The following SLC6A17 variants were observed in gnomAD, a reference collection of about 807,000 sequenced individuals.
SLC6A17 encodes sodium-dependent neutral amino acid transporter SLC6A17.
Under a neutral mutation model 64.5 loss-of-function variants are expected in SLC6A17, and 21 were observed. The observed-to-expected ratio is 0.33, with a 90% confidence interval of 0.23 to 0.47. The LOEUF (loss-of-function observed/expected upper bound fraction) is 0.47, where lower values mean the gene tolerates loss of function less well. Among genes scored for constraint, SLC6A17 ranks in the 20% least tolerant of loss-of-function variants. The pLI, the probability that SLC6A17 is intolerant of heterozygous loss-of-function variation, is 1.00. For synonymous variants in SLC6A17, 372 were observed against 399.5 expected (o/e 0.93, Z 0.82); for missense variants, 682 against 963.2 (o/e 0.71, Z 3.86).
chr1:110,188,653 C>A (rs907506168), intron 6 of SLC6A17, among the ~76,000 whole-genome samples: 10 of 152,188 alleles, frequency 6.6e-5, no homozygotes, highest in African/African-American at 1.4e-4. Flanking sequence ...CTTCCCACCC[C>A]ATCCCGATCC....
At chr1:110,171,282 C>T (rs1362770135) in intron 2 of SLC6A17, among the ~76,000 whole-genome samples, 1 of 152,154 alleles carries the variant, frequency 6.6e-6, no homozygotes, top group Non-Finnish European at 1.5e-5. Flanking sequence ...TGGCACAGCT[C>T]TCAGCAGGGT....
chr1:110,174,239 C>T, intron 4 of SLC6A17, 140 bp downstream of exon 4: 2 of 1,243,088 alleles, frequency 1.6e-6, no homozygotes, highest in South Asian at 1.6e-5. Context: ...CCTCATTTCC[C>T]CTTCCCCAGT....
chr1:110,160,281 T>C (rs1039011686), intron 1 of SLC6A17, among the ~76,000 whole-genome samples: 6 of 152,252 alleles, frequency 3.9e-5, no homozygotes, highest in Non-Finnish European at 8.8e-5. Context: ...TTCAAATGTC[T>C]CTCTAGTCAC....
chr1:110,178,130 A>T (rs982687525), intron 6 of SLC6A17: 1 of 152,258 alleles, frequency 6.6e-6, no homozygotes, highest in Admixed American at 6.5e-5. Context: ...AACTGTTTTT[A>T]ACAGATTACA....
Position 110,198,924 on chromosome 1 carries a change from A to G in SLC6A17, c.*480A>G, listed in dbSNP as rs887587020. The G allele has an allele frequency of 1.3e-5, 2 of 155,642 alleles. No individual in the cohort carries two copies. The highest frequency in any genetic ancestry group is 2.0e-4 in the South Asian group (1 of 5,016). The allele number at this position is 155,642 out of a possible 1,614,324, so 9.6% of individuals were successfully genotyped here. A position where few individuals can be genotyped will look rare whatever the true frequency, so the allele number is the denominator to read the frequency against. On this transcript the variant is annotated 3_prime_UTR_variant, in exon 12 of 12. Coordinates refer to ENST00000331565, the MANE Select transcript of SLC6A17 (RefSeq NM_001010898.4). The stretch of plus-strand genomic sequence containing the variant: ...AACAGGACACCATCCTGCCCAGCCC[A>G]GACGGGGTTGCTCCTGGTCCAAGAG...
intron 1 of SLC6A17, among the ~76,000 whole-genome samples, chr1:110,160,911 G>C (rs1655890948): frequency 6.6e-6 from 1 of 152,218 alleles, no homozygotes; most frequent in African/African-American, 2.4e-5. Context: ...AGCGGGGAAA[G>C]TGAGCTGGGA....
intron 1 of SLC6A17, among the ~76,000 whole-genome samples, chr1:110,157,685 C>T (rs915851627): frequency 1.3e-5 from 2 of 152,262 alleles, no homozygotes; most frequent in East Asian, 1.9e-4. Flanking sequence ...AAGAAAACCC[C>T]AACTCCTTTC....
chr1:110,166,938 G>A lies in SLC6A17; in HGVS notation c.9G>A (p.Lys3=), dbSNP rs1169950219. The A allele has an allele frequency of 1.2e-6, 2 of 1,607,612 alleles. No individual in the cohort carries two copies. Among genetic ancestry groups the A allele is most frequent in the Non-Finnish European group, 1.7e-6 (2 of 1,175,122 alleles). Residue 3 remains lysine, a synonymous_variant, in exon 2 of 12, where the codon AAG becomes AAA. Coordinates refer to ENST00000331565, the MANE Select transcript of SLC6A17 (RefSeq NM_001010898.4). MP[K]NSKVTQREHS... ...CGGCCCAGGTGGCATCAATGCCGAAGAACAGCAAAGTGACCCAGCGTGAGC... is the reference window on the plus strand; with the variant it reads ...CGGCCCAGGTGGCATCAATGCCGAAAAACAGCAAAGTGACCCAGCGTGAGC...
chr1:110,194,903 G>T, intron 9 of SLC6A17, 132 bp downstream of exon 9: 3 of 1,134,652 alleles, frequency 2.6e-6, no homozygotes, highest in South Asian at 1.4e-5. Context: ...GACACAGCTG[G>T]AGCCTGGCTG....
In SLC6A17 at chr1:110,200,243, C is replaced by T. The variant is rs1273922560; in HGVS notation, c.*1799C>T. On this transcript the variant is annotated 3_prime_UTR_variant, in exon 12 of 12. Transcript: ENST00000331565. ...CAACCCTGCCATCTCCCTTACTCAT[C>T]CCTCTTCCACAGCTTCCCCTTTCTA... 7.6e-6 allele frequency: 3 copies of T among 396,766 alleles called. No homozygotes were observed. The highest frequency in any genetic ancestry group is 4.4e-5 in the Admixed American group (1 of 22,630). 24.6% of individuals were successfully genotyped at this position (396,766 alleles called of 1,614,324 possible). A position where few individuals can be genotyped will look rare whatever the true frequency, so the allele number is the denominator to read the frequency against.
chr1:110,194,913 G>A (rs182816102), intron 9 of SLC6A17, 142 bp downstream of exon 9: 2 of 1,001,068 alleles, frequency 2.0e-6, no homozygotes, highest in Non-Finnish European at 3.0e-6. Flanking sequence ...GAGCCTGGCT[G>A]TGCCACTCAG....
rs541082418 is a variant in SLC6A17 at position 110,165,927 on chromosome 1, A to G, written c.-87-916A>G. Among the ~76,000 whole-genome samples, 16 of 152,268 alleles carry G rather than the reference A, an allele frequency of 1.1e-4. No individual in the cohort carries two copies. In the South Asian group the frequency reaches 2.3e-3, roughly 22 times the overall value. On this transcript the variant is annotated intron_variant, in intron 1 of 11. Coordinates refer to ENST00000331565, the MANE Select transcript of SLC6A17 (RefSeq NM_001010898.4). ...AGGGGGTGCCTTGAAATATAACGGA[A>G]TGGTGGAATTCTTCAAAGGCTTCGT...
Position 110,188,263 on chromosome 1 carries a change from G to A in SLC6A17, c.865-3709G>A, listed in dbSNP as rs115433901. 1.8e-3 allele frequency among the ~76,000 whole-genome samples: 268 copies of A among 152,298 alleles called. 1 individual carries two copies. Among genetic ancestry groups the A allele is most frequent in the Non-Finnish European group, 3.2e-3 (216 of 68,022 alleles). On this transcript the variant is annotated intron_variant, in intron 6 of 11. Coordinates refer to ENST00000331565, the MANE Select transcript of SLC6A17 (RefSeq NM_001010898.4). ...CCCCAGGGCTTTTAGATAAGGAACC[G>A]TGGGCCTGTATTACATTTGTAAAGA...
rs754653094 is a variant in SLC6A17, at chr1:110,189,020, C to G, written c.865-2952C>G. ...TCTTGCCTCTGCTGCTTCTCCTTCT[C>G]TGACTCCCTTTCAGGAGACTCTCCC... On this transcript the variant is annotated intron_variant, in intron 6 of 11. Coordinates refer to ENST00000331565, the MANE Select transcript of SLC6A17 (RefSeq NM_001010898.4). Among the ~76,000 whole-genome samples, 13 of 152,316 alleles carry G rather than the reference C, an allele frequency of 8.5e-5. 1 individual carries two copies. Among genetic ancestry groups the G allele is most frequent in the Non-Finnish European group, 1.9e-4 (13 of 68,024 alleles).
intron 5 of SLC6A17, 50 bp downstream of exon 5, chr1:110,175,010 G>A (rs777404607): frequency 6.4e-7 from 1 of 1,572,350 alleles, no homozygotes; most frequent in Admixed American, 1.7e-5. Flanking sequence ...CAGCAGAAAG[G>A]CACAGAGGGC....
intron 6 of SLC6A17, among the ~76,000 whole-genome samples, chr1:110,182,157 C>T (rs567106020): frequency 5.6e-4 from 85 of 152,148 alleles, no homozygotes; most frequent in African/African-American, 2.0e-3. Context: ...AGAGTTGGTT[C>T]GATGGAAGAT....
chr1:110,151,305 G>C (rs1026755037), intron 1 of SLC6A17, among the ~76,000 whole-genome samples: 10 of 152,142 alleles, frequency 6.6e-5, no homozygotes, highest in Admixed American at 6.5e-4. Context: ...CGCAGCTGGA[G>C]ACCCCAGCCC....
intron 1 of SLC6A17, among the ~76,000 whole-genome samples, chr1:110,155,932 A>G (rs1655746062): frequency 6.6e-6 from 1 of 152,218 alleles, no homozygotes; most frequent in Non-Finnish European, 1.5e-5. Context: ...ACTACCTTGC[A>G]AGAGGAATGA....
chr1:110,198,163 G>T lies in SLC6A17; in HGVS notation c.1903G>T (p.Val635Leu). 6.2e-7 allele frequency: 1 copy of T among 1,614,074 alleles called. No homozygotes were observed. The highest frequency in any genetic ancestry group is 8.5e-7 in the Non-Finnish European group (1 of 1,179,976). ...CGTGGCGACGCTGCCCATCCCTGTG[G>T]TGTTCGTCCTGCGGCACTTCCACCT... ...IVVATLPIPVVFVLRHFHLLS... is the reference protein window; with the variant it reads ...IVVATLPIPVLFVLRHFHLLS... Residue 635 changes from valine to leucine, a missense_variant, in exon 12 of 12, where the codon GTG becomes TTG. By Grantham distance (32) the Val-to-Leu change is conservative. Coordinates refer to ENST00000331565, the MANE Select transcript of SLC6A17 (RefSeq NM_001010898.4).
Sources: allele counts gnomAD v4.1 joint callset (sites outside exome capture counted in the v4.1 genomes callset), GRCh38; gene constraint gnomAD v4.1.1; transcripts MANE v1.5; gene names NCBI Gene and HGNC (gene_info 2026-07-23, HGNC 2026-07-21).